The following FBXL17 variants were observed in gnomAD, a reference collection of about 807,000 sequenced individuals.
FBXL17 encodes F-box and leucine rich repeat protein 17.
FBXL17 carries 22 observed loss-of-function variants against 66.2 expected under a neutral mutation model. That is an observed-to-expected ratio of 0.33 (90% CI 0.24 to 0.47). The LOEUF (loss-of-function observed/expected upper bound fraction) is 0.47. Among genes scored for constraint, FBXL17 ranks in the 20% least tolerant of loss-of-function variants. The pLI is 1.00. For synonymous variants in FBXL17, 474 were observed against 400.5 expected, an observed-to-expected ratio of 1.18 and a Z score of -2.19; for missense variants, 878 against 948.2, an observed-to-expected ratio of 0.93 and a Z score of 0.97.
chr5:107,993,927 A>C (rs983385023), intron 7 of FBXL17, among the ~76,000 whole-genome samples: 9 of 152,346 alleles, frequency 5.9e-5, no homozygotes, highest in African/African-American at 2.2e-4. Flanking sequence ...CCTTTTTTTA[A>C]GAATATACAT....
chr5:108,015,006 A>T (rs1220760372), intron 7 of FBXL17, among the ~76,000 whole-genome samples: 1 of 152,182 alleles, frequency 6.6e-6, no homozygotes, highest in East Asian at 1.9e-4. Flanking sequence ...ACTATCTCCC[A>T]TTGGGTCTCT....
chr5:108,327,962 T>C lies in FBXL17; in HGVS notation c.1506+20437A>G, dbSNP rs565234018. 5.3e-5 allele frequency among the ~76,000 whole-genome samples: 8 copies of C among 152,262 alleles called. No individual in the cohort carries two copies. The South Asian group carries it at 1.4e-3, about 28-fold the overall frequency. ...AATAGATTATATCGTCTCCAATCTA[T>C]ACATTTAAAAAATCAAGATCCAAGG... On this transcript the variant is annotated intron_variant, in intron 4 of 8. Coordinates refer to ENST00000542267, the MANE Select transcript of FBXL17 (RefSeq NM_001163315.3).
intron 8 of FBXL17, among the ~76,000 whole-genome samples, chr5:107,863,620 T>A (rs533444669): frequency 2.8e-5 from 4 of 144,706 alleles, no homozygotes; most frequent in Admixed American, 7.1e-5. Flanking sequence ...CTTAGTTTAA[T>A]GTCTATTTCT....
intron 6 of FBXL17, among the ~76,000 whole-genome samples, chr5:108,154,914 T>C (rs1481849250): frequency 6.6e-6 from 1 of 151,608 alleles, no homozygotes; most frequent in South Asian, 2.1e-4. Flanking sequence ...GGGATTTCCA[T>C]AAATTGAATG....
intron 7 of FBXL17, among the ~76,000 whole-genome samples, chr5:107,897,909 A>AAACG (rs1554082453): frequency 2.0e-5 from 3 of 150,942 alleles, no homozygotes; most frequent in Non-Finnish European, 4.4e-5. Flanking sequence ...GATATGATAA[A>AAACG]AAAGAAAGAA....
chr5:108,322,580 T>C (rs995022867), intron 4 of FBXL17, among the ~76,000 whole-genome samples: 1 of 151,978 alleles, frequency 6.6e-6, no homozygotes, highest in African/African-American at 2.4e-5. Context: ...TGGTGATTGA[T>C]GGGAGCAAGA....
intron 8 of FBXL17, among the ~76,000 whole-genome samples, chr5:107,873,464 T>C (rs1034647321): frequency 6.6e-6 from 1 of 152,168 alleles, no homozygotes. Flanking sequence ...AGAGGCTTAG[T>C]TTTTCTCTGA....
chr5:108,116,255 C>A (rs1416934494), intron 6 of FBXL17, among the ~76,000 whole-genome samples: 1 of 152,010 alleles, frequency 6.6e-6, no homozygotes, highest in Non-Finnish European at 1.5e-5. Flanking sequence ...AAATATAAAG[C>A]AGATGGAGAA....
chr5:107,984,459 A>G (rs1271165832), intron 7 of FBXL17, among the ~76,000 whole-genome samples: 4 of 152,114 alleles, frequency 2.6e-5, no homozygotes, highest in African/African-American at 4.8e-5. Context: ...GTTACTTGGG[A>G]TCTAGTTCCA....
chr5:108,081,548 C>T (rs540797541), intron 6 of FBXL17, among the ~76,000 whole-genome samples: 8 of 151,862 alleles, frequency 5.3e-5, no homozygotes, highest in Non-Finnish European at 7.4e-5. Context: ...GGTGAAACCC[C>T]GTCTCTACTA....
chr5:108,179,326 G>T (rs1752911973), intron 6 of FBXL17, among the ~76,000 whole-genome samples: 1 of 152,094 alleles, frequency 6.6e-6, no homozygotes, highest in Admixed American at 6.6e-5. Context: ...AAGCCACGTT[G>T]AGTTTTACAT....
At chr5:108,010,525 T>A (rs934273398) in intron 7 of FBXL17, among the ~76,000 whole-genome samples, 1 of 152,062 alleles carries the variant, frequency 6.6e-6, no homozygotes, top group Non-Finnish European at 1.5e-5. Context: ...TATAATAGGT[T>A]TTAAGCTGGA....
At chr5:107,865,123 G>A (rs147078015) in intron 8 of FBXL17, among the ~76,000 whole-genome samples, 1 of 152,322 alleles carries the variant, frequency 6.6e-6, no homozygotes, top group African/African-American at 2.4e-5. Flanking sequence ...GAATGGAGCA[G>A]AGAAAACATT....
At chr5:108,007,353 T>C (rs1753967584) in intron 7 of FBXL17, among the ~76,000 whole-genome samples, 1 of 152,106 alleles carries the variant, frequency 6.6e-6, no homozygotes, top group Non-Finnish European at 1.5e-5. Context: ...GTTCAGAAAA[T>C]ACTAAACGCA....
intron 6 of FBXL17, among the ~76,000 whole-genome samples, chr5:108,114,677 T>C (rs146019353): frequency 6.6e-6 from 1 of 152,298 alleles, no homozygotes; most frequent in African/African-American, 2.4e-5. Flanking sequence ...GCTTGGCACA[T>C]TGAAAATGCT....
chr5:108,162,317 C>A (rs1431456201), intron 6 of FBXL17, among the ~76,000 whole-genome samples: 6 of 151,856 alleles, frequency 4.0e-5, no homozygotes, highest in Non-Finnish European at 5.9e-5. Flanking sequence ...GAGTAAGACT[C>A]CATCTCCATA....
intron 7 of FBXL17, among the ~76,000 whole-genome samples, chr5:107,911,353 T>C (rs918360953): frequency 7.9e-5 from 12 of 152,046 alleles, no homozygotes; most frequent in Non-Finnish European, 1.2e-4. Flanking sequence ...ATATCACATA[T>C]AAAAAGCAAA....
intron 8 of FBXL17, among the ~76,000 whole-genome samples, chr5:107,862,148 T>A (rs1384949096): frequency 1.3e-5 from 2 of 152,138 alleles, no homozygotes; most frequent in Non-Finnish European, 2.9e-5. Context: ...ATCTTAACAA[T>A]GTCCATTGAA....
At chr5:107,957,260 G>A (rs945176168) in intron 7 of FBXL17, among the ~76,000 whole-genome samples, 5 of 151,988 alleles carry the variant, frequency 3.3e-5, no homozygotes, top group Admixed American at 2.6e-4. Flanking sequence ...AGGAAGAGTG[G>A]GTGTAAACGA....
Sources: allele counts gnomAD v4.1 joint callset (sites outside exome capture counted in the v4.1 genomes callset), GRCh38; gene constraint gnomAD v4.1.1; transcripts MANE v1.5; gene names NCBI Gene and HGNC (gene_info 2026-07-23, HGNC 2026-07-21).